Variants in PGS1 observed in about 807,000 individuals in gnomAD.
PGS1 encodes the protein CDP-diacylglycerol--glycerol-3-phosphate 3-phosphatidyltransferase, mitochondrial.
In PGS1, 44 loss-of-function variants were observed where a neutral mutation model predicts 58.3. That is an observed-to-expected ratio of 0.75 (90% CI 0.59 to 0.97). PGS1 has a LOEUF of 0.97. Ranked by LOEUF, PGS1 falls within the 50% of genes least tolerant of loss-of-function variation. PGS1 has a pLI of 0.00. For missense variants in PGS1, 684 were observed against 731.1 expected (o/e 0.94, Z 0.74); for synonymous variants, 330 against 311.0 (o/e 1.06, Z -0.64).
At chr17:78,388,442 G>T (rs962533043) in intron 1 of PGS1, among the ~76,000 whole-genome samples, 1 of 151,962 alleles carries the variant, frequency 6.6e-6, no homozygotes, top group African/African-American at 2.4e-5. Flanking sequence ...TCACGCGATC[G>T]TCCCCCTCAA....
intron 8 of PGS1, among the ~76,000 whole-genome samples, chr17:78,418,375 G>A (rs1008249131): frequency 3.3e-5 from 5 of 152,182 alleles, no homozygotes; most frequent in African/African-American, 9.7e-5. Context: ...TGCCTTCTGT[G>A]TACAGCGCAC....
chr17:78,398,048 T>C (rs761165253), intron 3 of PGS1: 14 of 641,802 alleles, frequency 2.2e-5, no homozygotes, highest in South Asian at 2.1e-4. Flanking sequence ...CCTGGGCCGA[T>C]CAGGCCCCTG....
rs763342180 is a variant in PGS1, at chr17:78,400,677, T to C, written c.702T>C (p.Gly234=). 2.4e-5 allele frequency: 38 copies of C among 1,613,634 alleles called. No individual in the cohort carries two copies. The highest frequency in any genetic ancestry group is 1.6e-4 in the Middle Eastern group (1 of 6,082). ...TCACCTGCATCTTCCCTCCCTGTAG[T>C]GCAAACCTGAGTGACTCCTACTTCA... is the stretch of plus-strand genomic sequence containing the variant. ...YLFDNSVILS[G]ANLSDSYFTN... The change falls in exon 6 of 10, where the codon GGT becomes GGC. Residue 234 remains glycine (G), a splice_region_variant and synonymous_variant. Coordinates refer to ENST00000262764, the MANE Select transcript of PGS1 (RefSeq NM_024419.5). This position sits in a 1 kb window ranked among gnomAD's most constrained non-coding sequence, Gnocchi z 4.4.
chr17:78,398,786 C>G (rs970721524), intron 4 of PGS1, among the ~76,000 whole-genome samples: 1 of 152,198 alleles, frequency 6.6e-6, no homozygotes, highest in South Asian at 2.1e-4. Flanking sequence ...CTAGCTGTTT[C>G]CTTTGGGCTG....
chr17:78,414,053 G>A (rs111269863), intron 7 of PGS1, among the ~76,000 whole-genome samples: 180 of 152,316 alleles, frequency 1.2e-3, no homozygotes, highest in African/African-American at 4.0e-3. Flanking sequence ...CTCCTCCATT[G>A]TCTTTTCCAG....
intron 1 of PGS1, among the ~76,000 whole-genome samples, chr17:78,384,195 G>A (rs1016881732): frequency 6.6e-6 from 1 of 152,204 alleles, no homozygotes; most frequent in African/African-American, 2.4e-5. Flanking sequence ...GCTGCATGCT[G>A]GCAGCCTGGG....
intron 9 of PGS1, among the ~76,000 whole-genome samples, chr17:78,423,129 T>G: frequency 6.7e-6 from 1 of 149,334 alleles, no homozygotes; most frequent in African/African-American, 2.5e-5. Context: ...ATGTTGATCC[T>G]GTCTTGGTCC....
chr17:78,420,174 G>C, intron 9 of PGS1: 1 of 999,556 alleles, frequency 1.0e-6, no homozygotes, highest in Non-Finnish European at 1.2e-6. Context: ...GTGGGCTGCT[G>C]CCTGGACGCC....
At chr17:78,386,055 C>T (rs745994949) in intron 1 of PGS1, among the ~76,000 whole-genome samples, 39 of 152,182 alleles carry the variant, frequency 2.6e-4, no homozygotes, top group Non-Finnish European at 4.7e-4. Context: ...AGCACTTAGG[C>T]CCAGCCCATT....
chr17:78,417,227 T>A (rs1039722988), intron 8 of PGS1, among the ~76,000 whole-genome samples: 1 of 152,170 alleles, frequency 6.6e-6, no homozygotes, highest in Non-Finnish European at 1.5e-5. Context: ...TTCTGGTAAT[T>A]TAGTTGCAAT....
At position 78,404,055 on chromosome 17, in the gene PGS1, G is replaced by C. The variant is rs199746606; in HGVS notation, c.1368G>C (p.Glu456Asp). The C allele has an allele frequency of 6.2e-7, 1 of 1,602,372 alleles. No individual in the cohort carries two copies. The change falls in exon 7 of 10, where the codon GAG (glutamate) becomes GAC (aspartate). Residue 456 changes from glutamate (E) to aspartate (D), a missense_variant. Coordinates refer to ENST00000262764, the MANE Select transcript of PGS1 (RefSeq NM_024419.5). ...LGQQERVQLQ[E>D]YWRRGWTFHA... ...AGCAGGAGCGGGTCCAGCTTCAGGA[G>C]TACTGGCGGAGGGGCTGGACGTTCC... is the stretch of plus-strand genomic sequence containing the variant.
rs776282198 is a variant in PGS1 at position 78,398,089 on chromosome 17, C to G, written c.412-163C>G. The G allele has an allele frequency of 7.0e-5, 50 of 712,174 alleles. 1 individual carries two copies. Among genetic ancestry groups the G allele is most frequent in the South Asian group, 2.0e-4 (14 of 70,986 alleles). The allele number at this position is 712,174 out of a possible 1,614,324, so 44.1% of individuals were successfully genotyped here. A position where few individuals can be genotyped will look rare whatever the true frequency, so the allele number is the denominator to read the frequency against. On this transcript the variant is annotated intron_variant, in intron 3 of 9. Coordinates refer to ENST00000262764, the MANE Select transcript of PGS1 (RefSeq NM_024419.5). ...TTCTTCTGATGATCATGAAGGTGCT[C>G]TCAGACAGATAGCTTTTGTGGTGTT... is the stretch of plus-strand genomic sequence containing the variant.
Position 78,418,149 on chromosome 17 carries a change from C to T in PGS1, c.1552-1397C>T, listed in dbSNP as rs146569017. ...TTAATCACGTTGGCCAGGCTGGTCT[C>T]GAACTCCTGACCTCAAGTGATCCTC... On this transcript the variant is annotated intron_variant, in intron 8 of 9. Coordinates refer to ENST00000262764, the MANE Select transcript of PGS1 (RefSeq NM_024419.5). Among the ~76,000 whole-genome samples, 736 of 151,994 alleles carry T rather than the reference C, an allele frequency of 4.8e-3. 11 individuals carry two copies. Among genetic ancestry groups the T allele is most frequent in the African/African-American group, 0.017 (693 of 41,480 alleles).
chr17:78,393,752 G>A (rs954743537), intron 2 of PGS1, among the ~76,000 whole-genome samples: 5 of 152,240 alleles, frequency 3.3e-5, no homozygotes, highest in South Asian at 2.1e-4. Flanking sequence ...CATTTGGGGG[G>A]TTCAGCTTTC....
At chr17:78,404,572 CTT>C (rs1352886177) in intron 7 of PGS1, among the ~76,000 whole-genome samples, 3 of 152,106 alleles carry the variant, frequency 2.0e-5, no homozygotes, top group African/African-American at 7.2e-5. Flanking sequence ...AAATCCGTCT[CTT>C]TTATGCATCA....
At chr17:78,396,951 T>C (rs2083271258) in intron 3 of PGS1, among the ~76,000 whole-genome samples, 1 of 152,192 alleles carries the variant, frequency 6.6e-6, no homozygotes, top group Admixed American at 6.5e-5. Context: ...ATATTTACTC[T>C]CTGGCCGTTT....
chr17:78,407,614 C>G (rs949748239), intron 7 of PGS1, among the ~76,000 whole-genome samples: 3 of 152,256 alleles, frequency 2.0e-5, no homozygotes, highest in African/African-American at 7.2e-5. Context: ...TTACTCAGGT[C>G]CTGTAGGACA....
At chr17:78,418,236 A>G (rs1319555684) in intron 8 of PGS1, among the ~76,000 whole-genome samples, 3 of 152,088 alleles carry the variant, frequency 2.0e-5, no homozygotes, top group African/African-American at 4.8e-5. Flanking sequence ...GGCCGCATAT[A>G]TAAATGTTTT....
Position 78,398,294 on chromosome 17 carries a change from A to C in PGS1, c.454A>C (p.Lys152Gln). Residue 152 changes from lysine (K) to glutamine (Q), a missense_variant, in exon 4 of 10, where the codon AAG (lysine) becomes CAG (glutamine). By Grantham distance (53) the Lys-to-Gln change is moderately conservative (BLOSUM62 1). Transcript: ENST00000262764. ...TACTCTAGAAAAGTCACTCCAAGCAAAGTTTCCTTCAAATCTCAAGGTCTC... is the reference window on the plus strand; with the variant it reads ...TACTCTAGAAAAGTCACTCCAAGCACAGTTTCCTTCAAATCTCAAGGTCTC... ...ESTLEKSLQAKFPSNLKVSIL... is the reference protein window; with the variant it reads ...ESTLEKSLQAQFPSNLKVSIL... 6.2e-7 allele frequency: 1 copy of C among 1,614,036 alleles called. No homozygotes were observed. The highest frequency in any genetic ancestry group is 8.5e-7 in the Non-Finnish European group (1 of 1,179,934).
Sources: allele counts gnomAD v4.1 joint callset (sites outside exome capture counted in the v4.1 genomes callset), GRCh38; gene constraint gnomAD v4.1.1; non-coding constraint Gnocchi (gnomAD v3.1); transcripts MANE v1.5; gene names NCBI Gene and HGNC (gene_info 2026-07-23, HGNC 2026-07-21).